Variants in PLXNA1 observed in about 807,000 individuals in gnomAD.
PLXNA1 encodes the protein plexin A1.
In PLXNA1, 77 loss-of-function variants were observed where a neutral mutation model predicts 191.7. The observed-to-expected ratio is 0.40, with a 90% CI of 0.33 to 0.49. PLXNA1 has a LOEUF of 0.49. PLXNA1 is among the 20% of genes least tolerant of loss of function. The pLI, the probability that PLXNA1 is intolerant of heterozygous loss-of-function variation, is 0.63. For missense variants in PLXNA1, 2,110 were observed against 2,660.2 expected, an observed-to-expected ratio of 0.79 and a Z score of 4.55; for synonymous variants, 1,137 against 1,156.4, an observed-to-expected ratio of 0.98 and a Z score of 0.34.
intron 3 of PLXNA1, among the ~76,000 whole-genome samples, chr3:126,997,760 C>T (rs891902151): frequency 6.6e-6 from 1 of 152,242 alleles, no homozygotes; most frequent in Non-Finnish European, 1.5e-5. Flanking sequence ...GGTGCATAAG[C>T]ATCGCTTCTG....
intron 27 of PLXNA1, 80 bp downstream of exon 27, chr3:127,029,616 C>T (rs1264039684): frequency 6.2e-6 from 9 of 1,459,760 alleles, no homozygotes; most frequent in South Asian, 1.1e-5. Flanking sequence ...TCCCACGCTG[C>T]AGCAGCCGGA....
chr3:127,016,985 C>T lies in PLXNA1; in HGVS notation c.3224C>T (p.Thr1075Ile). The T allele has an allele frequency of 6.2e-7, 1 of 1,613,522 alleles. No individual in the cohort carries two copies. Among genetic ancestry groups the T allele is most frequent in the Non-Finnish European group, 8.5e-7 (1 of 1,179,956 alleles). The change falls in exon 17 of 32, where the codon ACT becomes ATT. Residue 1075 changes from threonine to isoleucine, a missense_variant. Thr to Ile is a moderately conservative substitution (Grantham distance 89). This residue lies in a region of PLXNA1 where 644 missense variants were observed against 714.3 expected (regional missense o/e 0.90). Coordinates refer to ENST00000393409, the MANE Select transcript of PLXNA1 (RefSeq NM_032242.4). ...LLTVTGTNLA[T>I]VREPRIRAKY... ...ACGGTCACAGGCACCAACCTGGCCA[C>T]TGTCCGTGAACCCCGAATCCGGGCC...
In PLXNA1 at chr3:126,984,050, G is replaced by A. The variant is rs886756709; in HGVS notation, c.-74+763G>A. On this transcript the variant is annotated intron_variant, in intron 1 of 31. Transcript: ENST00000393409. ...CTCTCCAGGGTCAGCCGCTTCTCCC[G>A]GAGGCTTCCGATTGCTTCCTGGATA... 2.6e-5 allele frequency among the ~76,000 whole-genome samples: 4 copies of A among 152,198 alleles called. No homozygotes were observed. In the East Asian group the frequency reaches 7.7e-4, roughly 29 times the overall value.
chr3:126,997,725 C>T (rs1341628159), intron 3 of PLXNA1, among the ~76,000 whole-genome samples: 3 of 152,216 alleles, frequency 2.0e-5, no homozygotes, highest in Admixed American at 6.5e-5. Context: ...TGATGAGTGC[C>T]GTCCCAGAGC....
At chr3:127,025,585 C>T (rs1033031098) in intron 23 of PLXNA1, among the ~76,000 whole-genome samples, 4 of 152,158 alleles carry the variant, frequency 2.6e-5, no homozygotes, top group Non-Finnish European at 5.9e-5. Flanking sequence ...AAACTCTGTC[C>T]CCATTGAACA....
chr3:127,009,557 C>A (rs937581846), intron 9 of PLXNA1, among the ~76,000 whole-genome samples: 37 of 151,910 alleles, frequency 2.4e-4, no homozygotes, highest in Non-Finnish European at 4.7e-4. Flanking sequence ...CAGTCCCCCC[C>A]CAACCCCCCC....
At chr3:127,033,192 G>C (rs1229356660) in intron 31 of PLXNA1, among the ~76,000 whole-genome samples, 1 of 152,228 alleles carries the variant, frequency 6.6e-6, no homozygotes, top group African/African-American at 2.4e-5. Context: ...CTGGGCATAG[G>C]CTCTTGGCAG....
chr3:127,032,606 G>C lies in PLXNA1; in HGVS notation c.5444+7G>C. ...ACAAGAGCTGGGTGGAGAGGTAGGTGGAGGGTGCAGGGGTCGGGGGCAGGG... is the reference window on the plus strand; with the variant it reads ...ACAAGAGCTGGGTGGAGAGGTAGGTCGAGGGTGCAGGGGTCGGGGGCAGGG... On this transcript the variant is annotated splice_region_variant and intron_variant, in intron 30 of 31. Transcript: ENST00000393409. 2 of 1,613,044 alleles carry C rather than the reference G, an allele frequency of 1.2e-6. No homozygotes were observed. The highest frequency in any genetic ancestry group is 1.7e-6 in the Non-Finnish European group (2 of 1,179,640).
At position 127,017,517 on chromosome 3, in the gene PLXNA1, G is replaced by T; in HGVS notation, c.3369G>T (p.Pro1123=). The change falls in exon 18 of 32, where the codon CCG becomes CCT. Residue 1123 remains proline (P), a synonymous_variant. Transcript: ENST00000393409. ...GCCCACCAGAGCTGGGGGAGCGGCC[G>T]GATGAGCTGGGCTTCGTCATGGACA... is the stretch of plus-strand genomic sequence containing the variant. ...VRSPPELGER[P]DELGFVMDNV... 1 of 1,613,606 alleles carries T rather than the reference G, an allele frequency of 6.2e-7. No individual in the cohort carries two copies. Among genetic ancestry groups the T allele is most frequent in the Non-Finnish European group, 8.5e-7 (1 of 1,180,010 alleles).
rs1477842948 is a variant in PLXNA1, at chr3:126,988,867, A to G, written c.274A>G (p.Asn92Asp). 1 of 1,613,374 alleles carries G rather than the reference A, an allele frequency of 6.2e-7. No homozygotes were observed. The highest frequency in any genetic ancestry group is 1.1e-5 in the South Asian group (1 of 91,082). The change falls in exon 2 of 32, where the codon AAC (asparagine) becomes GAC (aspartate). Residue 92 changes from asparagine to aspartate, a missense_variant. Asn to Asp is a conservative substitution (Grantham distance 23). Around this residue, in one of 4 missense-constraint regions of PLXNA1, gnomAD observed 903 missense variants for 1,015.7 expected, o/e 0.89. Coordinates refer to ENST00000393409, the MANE Select transcript of PLXNA1 (RefSeq NM_032242.4). ...RAHVTGPVED[N>D]EKCYPPPSVQ... ...CCACGTCACGGGCCCTGTGGAGGAC[A>G]ACGAGAAGTGCTACCCGCCGCCCAG...
At position 127,014,543 on chromosome 3, in the gene PLXNA1, C is replaced by T; in HGVS notation, c.2670C>T (p.Gly890=). 6.2e-7 allele frequency: 1 copy of T among 1,611,550 alleles called. No individual in the cohort carries two copies. The highest frequency in any genetic ancestry group is 8.5e-7 in the Non-Finnish European group (1 of 1,179,854). The change falls in exon 13 of 32, where the codon GGC becomes GGT. Residue 890 remains glycine, a synonymous_variant. Transcript: ENST00000393409. The part of the protein sequence containing the change: ...TRLTITGENL[G]LRFEDVRLGV... ...TCACTATCACAGGCGAGAACCTGGG[C>T]CTGCGATTCGAAGACGTGCGTCTGG...
At chr3:127,002,326 C>T (rs1437761989) in intron 3 of PLXNA1, among the ~76,000 whole-genome samples, 1 of 152,258 alleles carries the variant, frequency 6.6e-6, no homozygotes, top group Non-Finnish European at 1.5e-5. Context: ...AGGAATGCGG[C>T]CCTCCCCCTC....
At chr3:127,020,664 C>G (rs1241667031) in intron 21 of PLXNA1, among the ~76,000 whole-genome samples, 2 of 152,204 alleles carry the variant, frequency 1.3e-5, no homozygotes, top group Non-Finnish European at 2.9e-5. Flanking sequence ...AGGCCTCATC[C>G]CAGCAAACCA....
At chr3:126,993,238 G>A (rs1415007125) in intron 3 of PLXNA1, among the ~76,000 whole-genome samples, 1 of 152,204 alleles carries the variant, frequency 6.6e-6, no homozygotes, top group Non-Finnish European at 1.5e-5. Context: ...GCAGAGTTGG[G>A]CTTGGGCCCA....
At chr3:127,018,957 G>C (rs911203542) in intron 20 of PLXNA1, among the ~76,000 whole-genome samples, 1 of 152,150 alleles carries the variant, frequency 6.6e-6, no homozygotes, top group Admixed American at 6.5e-5. Flanking sequence ...ATGCAGCAAT[G>C]GGGAGCCCTT....
At position 127,022,735 on chromosome 3, in the gene PLXNA1, T is replaced by C; in HGVS notation, c.4296-17T>C. On this transcript the variant is annotated splice_polypyrimidine_tract_variant and intron_variant, in intron 22 of 31. Transcript: ENST00000393409. ...AGCTGGAATGACACCACTCTGCCCATATTCTGTGCTCCCCAGGACTGAGTC... is the reference window on the plus strand; with the variant it reads ...AGCTGGAATGACACCACTCTGCCCACATTCTGTGCTCCCCAGGACTGAGTC... 1 of 1,612,568 alleles carries C rather than the reference T, an allele frequency of 6.2e-7. No homozygotes were observed. The highest frequency in any genetic ancestry group is 1.1e-5 in the South Asian group (1 of 91,060).
At chr3:127,024,976 G>A (rs1269743324) in intron 23 of PLXNA1, among the ~76,000 whole-genome samples, 1 of 152,110 alleles carries the variant, frequency 6.6e-6, no homozygotes, top group Non-Finnish European at 1.5e-5. Context: ...GGTTTCCCAT[G>A]CGCCCGCTGC....
At chr3:126,986,861 G>A (rs2078961697) in intron 1 of PLXNA1, among the ~76,000 whole-genome samples, 2 of 152,202 alleles carry the variant, frequency 1.3e-5, no homozygotes, top group Non-Finnish European at 2.9e-5. Context: ...CAGCTCCCTG[G>A]TAGACTTGGA....
At chr3:126,995,387 A>C (rs2079010484) in intron 3 of PLXNA1, among the ~76,000 whole-genome samples, 1 of 152,094 alleles carries the variant, frequency 6.6e-6, no homozygotes, top group Admixed American at 6.5e-5. Context: ...GCATCAGCCC[A>C]AGTACCCCCA....
Sources: gnomAD v4.1 joint callset for allele counts (sites outside exome capture counted in the v4.1 genomes callset) on GRCh38, gnomAD v4.1.1 for gene constraint, gnomAD v4.1.1 regional missense constraint, MANE v1.5 for transcripts, NCBI Gene and HGNC (gene_info 2026-07-23, HGNC 2026-07-21) for gene names.